Variants in FOXP1 observed in about 807,000 individuals in gnomAD.
The protein encoded by FOXP1 is forkhead box protein P1.
Under a neutral mutation model 98.2 loss-of-function variants are expected in FOXP1, and 15 were observed. The observed-to-expected ratio is 0.15, with a 90% CI of 0.10 to 0.24. The LOEUF (loss-of-function observed/expected upper bound fraction) is 0.24, where lower values mean the gene tolerates loss of function less well. FOXP1 is among the 10% of genes least tolerant of loss of function. The pLI is 1.00. For synonymous variants in FOXP1, 371 were observed against 314.5 expected (o/e 1.18, Z -1.90); for missense variants, 633 against 848.5 (o/e 0.75, Z 3.15).
At chr3:71,469,808 TC>T (rs756319909) in intron 3 of FOXP1, among the ~76,000 whole-genome samples, 2 of 151,772 alleles carry the variant, frequency 1.3e-5, no homozygotes, top group East Asian at 3.9e-4. Flanking sequence ...AAATATCAGT[TC>T]CCCCCCAGTG....
At chr3:71,097,253 G>A (rs1451906969) in intron 7 of FOXP1, among the ~76,000 whole-genome samples, 2 of 152,108 alleles carry the variant, frequency 1.3e-5, no homozygotes, top group Admixed American at 1.3e-4. Flanking sequence ...AAAGAAGAAT[G>A]TTTTGTGATG....
intron 2 of FOXP1, among the ~76,000 whole-genome samples, chr3:71,504,513 A>G (rs1366984205): frequency 6.6e-6 from 1 of 152,212 alleles, no homozygotes; most frequent in Non-Finnish European, 1.5e-5. Flanking sequence ...TAACTTCCAG[A>G]CAATTCTTAC....
intron 11 of FOXP1, among the ~76,000 whole-genome samples, chr3:71,027,307 T>C (rs1405343042): frequency 6.6e-6 from 1 of 152,160 alleles, no homozygotes; most frequent in Non-Finnish European, 1.5e-5. Context: ...CCCTCCCCAG[T>C]ATGCTATGGA....
chr3:71,160,186 T>G (rs571865355), intron 6 of FOXP1, among the ~76,000 whole-genome samples: 1 of 151,304 alleles, frequency 6.6e-6, no homozygotes, highest in South Asian at 2.1e-4. Flanking sequence ...TGTATGTATT[T>G]CTTTTTTTTT....
intron 5 of FOXP1, among the ~76,000 whole-genome samples, chr3:71,240,848 AT>A (rs2067216739): frequency 6.6e-6 from 1 of 151,712 alleles, no homozygotes; most frequent in South Asian, 2.1e-4. Context: ...CCTGGCCAGA[AT>A]TGTTTAAAAT....
At chr3:71,225,100 A>G (rs1189100832) in intron 5 of FOXP1, among the ~76,000 whole-genome samples, 1 of 152,244 alleles carries the variant, frequency 6.6e-6, no homozygotes, top group Non-Finnish European at 1.5e-5. Context: ...ATAAGGAGTT[A>G]AGGCATCTTG....
At chr3:71,580,586 G>A (rs2048087651) in intron 2 of FOXP1, among the ~76,000 whole-genome samples, 1 of 151,878 alleles carries the variant, frequency 6.6e-6, no homozygotes, top group South Asian at 2.1e-4. Flanking sequence ...GGCTATCCCT[G>A]GGTAGAAAAC....
chr3:71,371,002 C>A (rs1335382437), intron 3 of FOXP1, among the ~76,000 whole-genome samples: 1 of 152,062 alleles, frequency 6.6e-6, no homozygotes, highest in South Asian at 2.1e-4. Flanking sequence ...GTCTCGAACT[C>A]CTGACCTCAG....
Position 71,580,838 on chromosome 3 carries a change from G to A in FOXP1, c.-298+711C>T, listed in dbSNP as rs576791426. 3.6e-5 allele frequency: 35 copies of A among 985,322 alleles called. No individual in the cohort carries two copies. In the South Asian group the frequency reaches 1.5e-3, roughly 41 times the overall value. The allele number at this position is 985,322 out of a possible 1,614,324, so 61.0% of individuals were successfully genotyped here. ...TACAACCAATGGTGAAGTGTAGACG[G>A]TTTGAATGTACAGATGCCTTTCAAA... On this transcript the variant is annotated intron_variant, in intron 2 of 20. Coordinates refer to ENST00000649528, the MANE Select transcript of FOXP1 (RefSeq NM_001349338.3).
chr3:71,113,712 C>CAAAATAAAATACAATAAAAT (rs2058124612), intron 6 of FOXP1, among the ~76,000 whole-genome samples: 1 of 102,378 alleles, frequency 9.8e-6, no homozygotes, highest in African/African-American at 3.8e-5. Context: ...GCTTCCATCT[C>CAAAATAAAATACAATAAAAT]AAAATAAAAT....
chr3:71,324,341 CAATAGCA>C (rs1218902161), intron 4 of FOXP1, among the ~76,000 whole-genome samples: 1 of 152,082 alleles, frequency 6.6e-6, no homozygotes, highest in Non-Finnish European at 1.5e-5. Context: ...GCACTATTCA[CAATAGCA>C]AAGACTTGGA....
intron 10 of FOXP1, among the ~76,000 whole-genome samples, chr3:71,043,463 T>C (rs2048619564): frequency 6.6e-6 from 1 of 152,260 alleles, no homozygotes; most frequent in South Asian, 2.1e-4. Context: ...TGGGATGCGT[T>C]TGTAGCTAGC....
chr3:70,963,942 G>A (rs1029226923), intron 20 of FOXP1, among the ~76,000 whole-genome samples: 1 of 152,152 alleles, frequency 6.6e-6, no homozygotes, highest in African/African-American at 2.4e-5. Flanking sequence ...AAGCCGTGCC[G>A]TAAAGTTTAT....
At chr3:71,040,101 GTGTA>G (rs535054333) in intron 11 of FOXP1, among the ~76,000 whole-genome samples, 5 of 149,978 alleles carry the variant, frequency 3.3e-5, no homozygotes, top group Non-Finnish European at 5.9e-5. Flanking sequence ...GTGTGTGTGT[GTGTA>G]TGTATGTATC....
chr3:71,531,639 C>T (rs1379463378), intron 2 of FOXP1, among the ~76,000 whole-genome samples: 1 of 152,192 alleles, frequency 6.6e-6, no homozygotes, highest in Non-Finnish European at 1.5e-5. Context: ...GCTTCCCTGA[C>T]TGCACAGTTA....
At chr3:71,441,892 G>C (rs1056173934) in intron 3 of FOXP1, among the ~76,000 whole-genome samples, 2 of 152,140 alleles carry the variant, frequency 1.3e-5, no homozygotes, top group African/African-American at 4.8e-5. Context: ...GGGGAAATTG[G>C]GGAAAAATTA....
chr3:71,521,263 G>A (rs756711968), intron 2 of FOXP1, among the ~76,000 whole-genome samples: 1 of 152,204 alleles, frequency 6.6e-6, no homozygotes, highest in Non-Finnish European at 1.5e-5. Context: ...CGGGCGTGGT[G>A]GCTCAGGCCT....
At chr3:71,135,019 G>A (rs1049685348) in intron 6 of FOXP1, among the ~76,000 whole-genome samples, 1 of 152,084 alleles carries the variant, frequency 6.6e-6, no homozygotes, top group African/African-American at 2.4e-5. Flanking sequence ...AGCACTTTGG[G>A]AGGCCGAGGT....
intron 3 of FOXP1, among the ~76,000 whole-genome samples, chr3:71,465,427 A>G (rs2088608855): frequency 6.6e-6 from 1 of 152,116 alleles, no homozygotes; most frequent in East Asian, 1.9e-4. Flanking sequence ...CACTCAGCAG[A>G]TGGGAAAACT....
Sources: gnomAD v4.1 joint callset for allele counts (sites outside exome capture counted in the v4.1 genomes callset) on GRCh38, gnomAD v4.1.1 for gene constraint, MANE v1.5 for transcripts, NCBI Gene and HGNC (gene_info 2026-07-23, HGNC 2026-07-21) for gene names.